PDE4D: variants seen among roughly 807,000 people sequenced by gnomAD.
PDE4D encodes phosphodiesterase 4D.
In PDE4D, 24 loss-of-function variants were observed where a neutral mutation model predicts 87.4. The ratio of observed to expected loss-of-function variants is 0.27; its 90% CI spans 0.20 to 0.39. The LOEUF (loss-of-function observed/expected upper bound fraction) is 0.39, where lower values mean the gene tolerates loss of function less well. Ranked by LOEUF, PDE4D falls within the 10% of genes least tolerant of loss-of-function variation. The pLI, the probability that PDE4D is intolerant of heterozygous loss-of-function variation, is 1.00. For synonymous variants in PDE4D, 384 were observed against 383.2 expected (o/e 1.00, Z -0.02); for missense variants, 714 against 1,041.0 (o/e 0.69, Z 4.32).
chr5:59,261,894 A>G (rs750355547), intron 1 of PDE4D, among the ~76,000 whole-genome samples: 11 of 151,946 alleles, frequency 7.2e-5, no homozygotes, highest in Non-Finnish European at 1.0e-4. Flanking sequence ...CAGGCCAGTA[A>G]GAAAAGAAAA....
chr5:59,260,435 A>G (rs1761786854), intron 1 of PDE4D, among the ~76,000 whole-genome samples: 1 of 151,864 alleles, frequency 6.6e-6, no homozygotes, highest in Admixed American at 6.6e-5. Context: ...TTGCATGTGT[A>G]GTTACATTTC....
chr5:60,273,883 G>C (rs1446958065), intron 1 of PDE4D, among the ~76,000 whole-genome samples: 1 of 152,188 alleles, frequency 6.6e-6, no homozygotes, highest in Non-Finnish European at 1.5e-5. Context: ...TGACAAGCCA[G>C]AGAGAGATCT....
At chr5:59,144,893 G>T (rs112840785) in intron 5 of PDE4D, among the ~76,000 whole-genome samples, 1 of 30,266 alleles carries the variant, frequency 3.3e-5, no homozygotes, top group Non-Finnish European at 6.9e-5. Flanking sequence ...GGTTTAATGG[G>T]GGGGGGGGGG....
chr5:59,736,810 G>C (rs1758136061), intron 1 of PDE4D, among the ~76,000 whole-genome samples: 1 of 152,138 alleles, frequency 6.6e-6, no homozygotes, highest in African/African-American at 2.4e-5. Flanking sequence ...AACTATACCA[G>C]TAAACACCTG....
chr5:59,836,749 G>A (rs1307572642), intron 1 of PDE4D, among the ~76,000 whole-genome samples: 1 of 151,906 alleles, frequency 6.6e-6, no homozygotes, highest in Non-Finnish European at 1.5e-5. Context: ...AGAGCAAAAG[G>A]AGATAGAGAT....
At chr5:59,994,316 T>C (rs1272669548) in intron 2 of PDE4D, among the ~76,000 whole-genome samples, 3 of 151,532 alleles carry the variant, frequency 2.0e-5, no homozygotes, top group Admixed American at 1.3e-4. Context: ...TATATATACA[T>C]ATACACACAT....
intron 1 of PDE4D, among the ~76,000 whole-genome samples, chr5:59,526,891 G>T (rs1426934283): frequency 6.6e-6 from 1 of 152,174 alleles, no homozygotes; most frequent in Non-Finnish European, 1.5e-5. Flanking sequence ...CTCCCAAAGT[G>T]CTGGGATTAC....
In PDE4D at chr5:59,463,984, C is replaced by T. The variant is rs2153647554; in HGVS notation, c.456-248016G>A. On this transcript the variant is annotated intron_variant, in intron 1 of 14. Coordinates refer to ENST00000340635, the MANE Select transcript of PDE4D (RefSeq NM_001104631.2). ...AGGGTTGAATGGATTAAGGGTTGTGCAAGATGTGCTTTGTTAAACAGATGC... is the reference window on the plus strand; with the variant it reads ...AGGGTTGAATGGATTAAGGGTTGTGTAAGATGTGCTTTGTTAAACAGATGC... Among the ~76,000 whole-genome samples the T allele has an allele frequency of 2.0e-5, 3 of 152,280 alleles. No individual in the cohort carries two copies. The South Asian group carries it at 6.2e-4, about 32-fold the overall frequency.
intron 1 of PDE4D, among the ~76,000 whole-genome samples, chr5:59,221,014 T>G (rs1162274139): frequency 6.6e-6 from 1 of 152,148 alleles, no homozygotes; most frequent in Non-Finnish European, 1.5e-5. Flanking sequence ...TTCCAGGCGC[T>G]GTGCTTTGCA....
chr5:59,104,422 T>C (rs779841037), intron 5 of PDE4D, among the ~76,000 whole-genome samples: 10 of 152,238 alleles, frequency 6.6e-5, no homozygotes, highest in Non-Finnish European at 1.3e-4. Context: ...CTGTAGTGTT[T>C]CTCAAACTAA....
intron 1 of PDE4D, among the ~76,000 whole-genome samples, chr5:60,267,666 T>C (rs1750355725): frequency 6.6e-6 from 1 of 152,168 alleles, no homozygotes; most frequent in Admixed American, 6.5e-5. Flanking sequence ...TTTCCTTACC[T>C]TTTCCACAAT....
At position 59,142,424 on chromosome 5, in the gene PDE4D, G is replaced by T. The variant is rs905442111; in HGVS notation, c.808+38171C>A. Among the ~76,000 whole-genome samples the T allele has an allele frequency of 2.0e-5, 3 of 151,962 alleles. No individual in the cohort carries two copies. The East Asian group carries it at 5.8e-4, about 29-fold the overall frequency. On this transcript the variant is annotated intron_variant, in intron 5 of 14. Coordinates refer to ENST00000340635, the MANE Select transcript of PDE4D (RefSeq NM_001104631.2). The stretch of plus-strand genomic sequence containing the variant: ...GGTTTACAATAATCCCCAACACTAC[G>T]TATTATTCCCATCTCAAAGCAAACT...
intron 1 of PDE4D, among the ~76,000 whole-genome samples, chr5:59,767,139 C>G (rs1056479349): frequency 6.7e-6 from 1 of 149,506 alleles, no homozygotes; most frequent in Admixed American, 6.8e-5. Context: ...CTCCTAAAAG[C>G]CTTGTTTCTG....
At chr5:59,481,520 G>A (rs956474057) in intron 1 of PDE4D, among the ~76,000 whole-genome samples, 3 of 152,056 alleles carry the variant, frequency 2.0e-5, no homozygotes, top group African/African-American at 7.2e-5. Context: ...AACCCTTCAA[G>A]TGGAAATCTC....
intron 1 of PDE4D, among the ~76,000 whole-genome samples, chr5:59,370,334 T>C (rs1297135557): frequency 5.3e-5 from 8 of 152,194 alleles, no homozygotes; most frequent in African/African-American, 1.7e-4. Context: ...CCTCTCTTTA[T>C]GGCCTCCTTT....
At chr5:59,724,440 C>CAGATCATT (rs1463274430) in intron 1 of PDE4D, among the ~76,000 whole-genome samples, 2 of 151,890 alleles carry the variant, frequency 1.3e-5, no homozygotes, top group Admixed American at 6.6e-5. Flanking sequence ...TAGGGGTGTA[C>CAGATCATT]AGATCATTTT....
At chr5:59,099,250 C>T (rs1475309806) in intron 5 of PDE4D, among the ~76,000 whole-genome samples, 1 of 152,168 alleles carries the variant, frequency 6.6e-6, no homozygotes, top group East Asian at 1.9e-4. Context: ...AAGGACACAA[C>T]TGGTTAGCCA....
At chr5:60,209,668 G>C (rs932044222) in intron 1 of PDE4D, among the ~76,000 whole-genome samples, 24 of 151,834 alleles carry the variant, frequency 1.6e-4, no homozygotes, top group Non-Finnish European at 7.4e-5. Context: ...TTACACTTAC[G>C]CTGGCAGAGA....
intron 1 of PDE4D, among the ~76,000 whole-genome samples, chr5:59,385,447 T>C (rs764123757): frequency 3.3e-5 from 5 of 152,174 alleles, no homozygotes; most frequent in Non-Finnish European, 7.4e-5. Flanking sequence ...AAGCCATTAC[T>C]CTATTGTACT....
Sources: allele counts gnomAD v4.1 joint callset (sites outside exome capture counted in the v4.1 genomes callset), GRCh38; gene constraint gnomAD v4.1.1; transcripts MANE v1.5; gene names NCBI Gene and HGNC (gene_info 2026-07-23, HGNC 2026-07-21).